Variants in ZNF558 observed in about 807,000 individuals in gnomAD.
The protein encoded by ZNF558 is zinc finger protein 558.
In ZNF558, 23 loss-of-function variants were observed where a neutral mutation model predicts 37.6. The ratio of observed to expected loss-of-function variants is 0.61; its 90% CI spans 0.44 to 0.87. The LOEUF (loss-of-function observed/expected upper bound fraction) is 0.87, where lower values mean the gene tolerates loss of function less well. Among genes scored for constraint, ZNF558 ranks in the 40% least tolerant of loss-of-function variants. The probability of loss-of-function intolerance (pLI) is 0.00; values close to 1 mark genes in which losing one functional copy is unlikely to be tolerated. For missense variants in ZNF558, 429 were observed against 483.7 expected (o/e 0.89, Z 1.06); for synonymous variants, 189 against 174.4 (o/e 1.08, Z -0.66).
chr19:8,833,593 G>A (rs2044413902), upstream of ZNF558: 1 of 152,170 alleles, frequency 6.6e-6, no homozygotes, highest in African/African-American at 2.4e-5. Context: ...ATAGGTAAAC[G>A]TCCTTGCCCT....
intron 6 of ZNF558, 25 bp downstream of exon 6, chr19:8,821,978 T>G (rs779394530): frequency 1.2e-6 from 2 of 1,613,288 alleles, no homozygotes; most frequent in South Asian, 1.1e-5. Flanking sequence ...GAATAATGAT[T>G]TGGGAAAAGG....
chr19:8,822,928 C>A lies in ZNF558; in HGVS notation c.-65-204G>T, dbSNP rs1568471756. 1 of 539,502 alleles carries A rather than the reference C, an allele frequency of 1.9e-6. No homozygotes were observed. Among genetic ancestry groups the A allele is most frequent in the Non-Finnish European group, 3.4e-6 (1 of 298,328 alleles). The allele number at this position is 539,502 out of a possible 1,614,324, so 33.4% of individuals were successfully genotyped here. A position where few individuals can be genotyped will look rare whatever the true frequency, so the allele number is the denominator to read the frequency against. ...CTTCCTCTGTCCCCAACACAACGAC[C>A]AGTACCTCCCTGACCCACCCGCTTT... On this transcript the variant is annotated intron_variant, in intron 4 of 9. Transcript: ENST00000601372. The surrounding 1 kb of genome is among the most constrained non-coding windows in gnomAD (Gnocchi z 4.4).
intron 6 of ZNF558, 131 bp from the exon 7 acceptor site, chr19:8,821,437 C>A (rs2044088177): frequency 1.3e-6 from 2 of 1,564,538 alleles, no homozygotes; most frequent in South Asian, 1.2e-5. Context: ...TGGTTCTGAG[C>A]TCACCTCCCA....
At chr19:8,826,067 C>T (rs2044224432) in intron 2 of ZNF558, among the ~76,000 whole-genome samples, 1 of 152,092 alleles carries the variant, frequency 6.6e-6, no homozygotes, top group South Asian at 2.1e-4. Context: ...CTGGAAGATG[C>T]TGCCCTGCTG....
chr19:8,820,332 T>C lies in ZNF558; in HGVS notation c.247+848A>G, dbSNP rs537016459. On this transcript the variant is annotated intron_variant, in intron 7 of 9. Transcript: ENST00000601372. ...TCGTACACAAAAATTCATAGTATTA[T>C]AGCATTATTCTTGATAGTCAAAGAG... is the stretch of plus-strand genomic sequence containing the variant. Among the ~76,000 whole-genome samples, 9 of 152,318 alleles carry C rather than the reference T, an allele frequency of 5.9e-5. No homozygotes were observed. The South Asian group carries it at 1.9e-3, about 32-fold the overall frequency.
At chr19:8,812,692 A>G (rs2043825821) in intron 8 of ZNF558, 49 bp from the exon 9 acceptor site, 1 of 1,292,896 alleles carries the variant, frequency 7.7e-7, no homozygotes, top group African/African-American at 1.5e-5. Flanking sequence ...AAGAAATGGA[A>G]AAGTGTACAC....
chr19:8,820,542 G>A (rs1391324384), intron 7 of ZNF558, among the ~76,000 whole-genome samples: 1 of 152,110 alleles, frequency 6.6e-6, no homozygotes, highest in Non-Finnish European at 1.5e-5. Flanking sequence ...CAGTGCAATG[G>A]CACAATCTCA....
chr19:8,829,657 C>G (rs998705295), intron 2 of ZNF558, among the ~76,000 whole-genome samples: 1 of 152,194 alleles, frequency 6.6e-6, no homozygotes, highest in Non-Finnish European at 1.5e-5. Context: ...TGGAGGCGAC[C>G]TGGTTTGCCA....
intron 1 of ZNF558, among the ~76,000 whole-genome samples, chr19:8,831,852 T>A (rs1009432035): frequency 5.3e-5 from 8 of 152,110 alleles, no homozygotes; most frequent in African/African-American, 1.9e-4. Flanking sequence ...CTGTACAACG[T>A]AGGATCTTTA....
chr19:8,826,559 C>T (rs73491473), intron 2 of ZNF558, among the ~76,000 whole-genome samples: 14 of 152,060 alleles, frequency 9.2e-5, no homozygotes, highest in East Asian at 3.9e-4. Context: ...TGCCACTGAT[C>T]GGCCAGGAGG....
At chr19:8,834,118 G>T (rs2044425363), upstream of ZNF558, among the ~76,000 whole-genome samples, 1 of 152,226 alleles carries the variant, frequency 6.6e-6, no homozygotes, top group South Asian at 2.1e-4. Flanking sequence ...TTCAATGAAT[G>T]ATATTGTTTC....
chr19:8,818,700 A>G (rs2044004147), intron 7 of ZNF558, among the ~76,000 whole-genome samples: 1 of 152,138 alleles, frequency 6.6e-6, no homozygotes, highest in Admixed American at 6.5e-5. Context: ...TGTAACAATA[A>G]TCAAGGCATT....
chr19:8,820,539 A>G (rs2044058247), intron 7 of ZNF558, among the ~76,000 whole-genome samples: 1 of 152,128 alleles, frequency 6.6e-6, no homozygotes, highest in Non-Finnish European at 1.5e-5. Flanking sequence ...CTGCAGTGCA[A>G]TGGCACAATC....
At chr19:8,836,802 C>G (rs994797088), upstream of ZNF558, among the ~76,000 whole-genome samples, 1 of 152,198 alleles carries the variant, frequency 6.6e-6, no homozygotes, top group African/African-American at 2.4e-5. Context: ...TTAAGTGTAT[C>G]TTAATTTTCC....
chr19:8,833,300 A>G (rs1002735195), upstream of ZNF558: 1 of 152,332 alleles, frequency 6.6e-6, no homozygotes, highest in Admixed American at 6.5e-5. Flanking sequence ...GAACATAGTG[A>G]TTTAACACTA....
At chr19:8,821,813 T>G in intron 6 of ZNF558, 190 bp downstream of exon 6, 1 of 1,422,032 alleles carries the variant, frequency 7.0e-7, no homozygotes, top group African/African-American at 1.4e-5. Flanking sequence ...TGGAGGGAGC[T>G]CTGAACCTGC....
intron 7 of ZNF558, among the ~76,000 whole-genome samples, chr19:8,819,924 C>T (rs1056748038): frequency 5.3e-5 from 8 of 152,184 alleles, no homozygotes; most frequent in Non-Finnish European, 1.0e-4. Context: ...CCAGCCTGGG[C>T]GACAGAGGGA....
rs577654213 is a variant in ZNF558, at chr19:8,819,824, C to G, written c.247+1356G>C. On this transcript the variant is annotated intron_variant, in intron 7 of 9. Transcript: ENST00000601372. ...GGCATGGTGGCACATGCCTGTAATT[C>G]CAGCTACTTGAGAGGCTGAGGTATG... is the stretch of plus-strand genomic sequence containing the variant. Among the ~76,000 whole-genome samples the G allele has an allele frequency of 2.6e-5, 4 of 152,202 alleles. No individual in the cohort carries two copies. The South Asian group carries it at 8.3e-4, about 32-fold the overall frequency.
At position 8,812,640 on chromosome 19, in the gene ZNF558, A is replaced by G. The variant is rs2043824255; in HGVS notation, c.347T>C (p.Leu116Ser). 6.3e-7 allele frequency: 1 copy of G among 1,588,740 alleles called. No individual in the cohort carries two copies. ...RGILPSTCPD[L>S]ETLLKAKWLT... ...CCATTTGGCTTTAAGTAGAGTCTCCAAATCTGAAACAAATTGAAAAGAAAT... is the reference window on the plus strand; with the variant it reads ...CCATTTGGCTTTAAGTAGAGTCTCCGAATCTGAAACAAATTGAAAAGAAAT... Residue 116 changes from leucine (L) to serine (S), a missense_variant, in exon 9 of 10, where the codon TTG (leucine) becomes TCG (serine). Transcript: ENST00000601372.
Sources: allele counts gnomAD v4.1 joint callset (sites outside exome capture counted in the v4.1 genomes callset), GRCh38; gene constraint gnomAD v4.1.1; non-coding constraint Gnocchi (gnomAD v3.1); transcripts MANE v1.5; gene names NCBI Gene and HGNC (gene_info 2026-07-23, HGNC 2026-07-21).